The following PRKG1 variants were observed in gnomAD, a reference collection of about 807,000 sequenced individuals.
The protein encoded by PRKG1 is protein kinase cGMP-dependent 1.
A neutral mutation model predicts 88.1 loss-of-function variants in PRKG1; 35 were observed. The ratio of observed to expected loss-of-function variants is 0.40; its 90% CI spans 0.30 to 0.53. The LOEUF is 0.53. Among genes scored for constraint, PRKG1 ranks in the 20% least tolerant of loss-of-function variants. PRKG1 has a pLI of 0.59. For synonymous variants in PRKG1, 303 were observed against 292.5 expected (o/e 1.04, Z -0.37); for missense variants, 540 against 839.8 (o/e 0.64, Z 4.41).
chr10:51,405,897 A>G (rs556179092), intron 2 of PRKG1, among the ~76,000 whole-genome samples: 18 of 152,158 alleles, frequency 1.2e-4, no homozygotes, highest in Non-Finnish European at 2.1e-4. Flanking sequence ...AAGCTACACA[A>G]TGGGACCTGA....
intron 2 of PRKG1, among the ~76,000 whole-genome samples, chr10:51,335,715 G>C (rs1303719286): frequency 6.6e-6 from 1 of 151,946 alleles, no homozygotes; most frequent in Non-Finnish European, 1.5e-5. Flanking sequence ...GTGATTTTTA[G>C]ATATCTGCAC....
chr10:51,780,629 C>G (rs1838563327), intron 3 of PRKG1, among the ~76,000 whole-genome samples: 1 of 152,086 alleles, frequency 6.6e-6, no homozygotes, highest in East Asian at 1.9e-4. Context: ...TTGAGTCTGT[C>G]TCTGTGTTAC....
chr10:51,134,037 C>G (rs530535221), intron 1 of PRKG1, among the ~76,000 whole-genome samples: 1 of 152,244 alleles, frequency 6.6e-6, no homozygotes, highest in African/African-American at 2.4e-5. Context: ...AACTTAAGAA[C>G]TCAACATCTT....
At chr10:51,073,727 C>A (rs1029795732), upstream of PRKG1, among the ~76,000 whole-genome samples, 19 of 152,152 alleles carry the variant, frequency 1.2e-4, no homozygotes, top group African/African-American at 4.3e-4. Context: ...GAAACCCCAC[C>A]CCCTACCCCA....
At chr10:52,024,478 C>A (rs1845280635) in intron 5 of PRKG1, among the ~76,000 whole-genome samples, 1 of 152,050 alleles carries the variant, frequency 6.6e-6, no homozygotes, top group Non-Finnish European at 1.5e-5. Context: ...ATCCCTCCCC[C>A]ATTCCCCCAC....
intron 4 of PRKG1, among the ~76,000 whole-genome samples, chr10:51,818,502 C>G (rs1038009201): frequency 1.1e-4 from 16 of 152,110 alleles, no homozygotes; most frequent in Non-Finnish European, 2.1e-4. Context: ...TTAGATAGCT[C>G]TGACATCTCA....
At chr10:51,098,369 A>T (rs1245775853) in intron 1 of PRKG1, among the ~76,000 whole-genome samples, 1 of 152,044 alleles carries the variant, frequency 6.6e-6, no homozygotes, top group African/African-American at 2.4e-5. Context: ...CTATTCCTTC[A>T]CCTTTCCCGT....
chr10:51,473,556 A>G (rs2132827898), intron 3 of PRKG1, among the ~76,000 whole-genome samples: 1 of 152,036 alleles, frequency 6.6e-6, no homozygotes, highest in South Asian at 2.1e-4. Context: ...TACCTTCCAT[A>G]GTCAAAGAAA....
At chr10:52,038,501 G>A (rs1199211924) in intron 5 of PRKG1, among the ~76,000 whole-genome samples, 5 of 152,056 alleles carry the variant, frequency 3.3e-5, no homozygotes, top group African/African-American at 4.8e-5. Flanking sequence ...ACAGAGATAC[G>A]AGGTTGGGGT....
intron 5 of PRKG1, among the ~76,000 whole-genome samples, chr10:51,977,690 T>A (rs1843882065): frequency 1.3e-5 from 2 of 152,284 alleles, no homozygotes; most frequent in Non-Finnish European, 1.5e-5. Flanking sequence ...TATATTATTG[T>A]GGTTTTCATT....
rs1034085602 is a variant in PRKG1 at position 50,991,341 on chromosome 10, G to T, written c.-38G>T. 2 of 1,484,156 alleles carry T rather than the reference G, an allele frequency of 1.3e-6. No individual in the cohort carries two copies. The highest frequency in any genetic ancestry group is 1.3e-5 in the South Asian group (1 of 76,592). The allele number at this position is 1,484,156 out of a possible 1,614,324, so 91.9% of individuals were successfully genotyped here. On this transcript the variant is annotated 5_prime_UTR_variant, in exon 1 of 18. Coordinates refer to the PRKG1 transcript ENST00000401604. This position sits in a 1 kb window ranked among gnomAD's most constrained non-coding sequence, Gnocchi z 4.5. ...CGCCGCCGCCGCCGCCGCCGCCGCC[G>T]CCCGAGAAAAAGTTTCGCGGAGGGG...
intron 2 of PRKG1, among the ~76,000 whole-genome samples, chr10:51,429,194 A>G (rs1838686845): frequency 6.6e-6 from 1 of 152,238 alleles, no homozygotes; most frequent in Non-Finnish European, 1.5e-5. Flanking sequence ...GTTGACCACT[A>G]GGCTATTCTG....
chr10:51,365,395 A>G (rs929909495), intron 2 of PRKG1, among the ~76,000 whole-genome samples: 14 of 151,920 alleles, frequency 9.2e-5, no homozygotes, highest in Non-Finnish European at 1.8e-4. Context: ...ATCAAATTAT[A>G]ATCAGAAGGC....
chr10:51,177,719 T>C (rs922496506), intron 2 of PRKG1, among the ~76,000 whole-genome samples: 9 of 152,258 alleles, frequency 5.9e-5, no homozygotes, highest in African/African-American at 2.2e-4. Context: ...AAGACTGACA[T>C]TAATTCCTGA....
At chr10:51,309,594 C>T (rs1031607041) in intron 2 of PRKG1, among the ~76,000 whole-genome samples, 3 of 152,030 alleles carry the variant, frequency 2.0e-5, no homozygotes, top group South Asian at 2.1e-4. Context: ...CAAGAAATAA[C>T]GGATGTCGAT....
intron 3 of PRKG1, among the ~76,000 whole-genome samples, chr10:51,694,986 T>G (rs966644396): frequency 6.6e-6 from 1 of 152,158 alleles, no homozygotes; most frequent in Non-Finnish European, 1.5e-5. Context: ...TTGTTATAGC[T>G]CATTTGTTCT....
At chr10:51,476,601 T>A (rs981794655) in intron 3 of PRKG1, among the ~76,000 whole-genome samples, 4 of 151,192 alleles carry the variant, frequency 2.6e-5, no homozygotes, top group Admixed American at 6.6e-5. Flanking sequence ...AAGTGGATTA[T>A]TTGTTGTTGT....
At chr10:52,232,452 A>G (rs1019410961) in intron 9 of PRKG1, among the ~76,000 whole-genome samples, 3 of 152,168 alleles carry the variant, frequency 2.0e-5, no homozygotes, top group Admixed American at 6.5e-5. Context: ...TCTATTTTGT[A>G]TTATGTATCT....
intron 2 of PRKG1, among the ~76,000 whole-genome samples, chr10:51,279,166 A>G (rs1030536347): frequency 3.3e-5 from 5 of 152,122 alleles, no homozygotes; most frequent in Admixed American, 6.5e-5. Flanking sequence ...CTTTGTTCTC[A>G]TTGGCCTCAA....
Sources: gnomAD v4.1 joint callset for allele counts (sites outside exome capture counted in the v4.1 genomes callset) on GRCh38, gnomAD v4.1.1 for gene constraint, Gnocchi (gnomAD v3.1) non-coding constraint, MANE v1.5 for transcripts, NCBI Gene and HGNC (gene_info 2026-07-23, HGNC 2026-07-21) for gene names.